Variants in XKR4 observed in about 807,000 individuals in gnomAD.
XKR4 encodes XK related 4.
XKR4 carries 12 observed loss-of-function variants against 53.9 expected under a neutral mutation model. The ratio of observed to expected loss-of-function variants is 0.22; its 90% CI spans 0.14 to 0.36. The LOEUF (loss-of-function observed/expected upper bound fraction) is 0.36, where lower values mean the gene tolerates loss of function less well. Ranked by LOEUF, XKR4 falls within the 10% of genes least tolerant of loss-of-function variation. The pLI is 1.00. For synonymous variants in XKR4, 354 were observed against 362.4 expected, an observed-to-expected ratio of 0.98 and a Z score of 0.26; for missense variants, 799 against 859.5, an observed-to-expected ratio of 0.93 and a Z score of 0.88.
chr8:55,131,035 G>A (rs139713236), intron 1 of XKR4, among the ~76,000 whole-genome samples: 14 of 151,992 alleles, frequency 9.2e-5, no homozygotes, highest in African/African-American at 2.9e-4. Context: ...GGTGCACGCC[G>A]GTAATCCCAG....
chr8:55,127,120 C>T (rs2129352595), intron 1 of XKR4, among the ~76,000 whole-genome samples: 1 of 152,254 alleles, frequency 6.6e-6, no homozygotes, highest in Middle Eastern at 3.4e-3. Flanking sequence ...GGTTAACAAA[C>T]TCAAGATTTC....
At chr8:55,502,744 T>C (rs1460333487) in intron 2 of XKR4, among the ~76,000 whole-genome samples, 1 of 152,198 alleles carries the variant, frequency 6.6e-6, no homozygotes, top group African/African-American at 2.4e-5. Flanking sequence ...TTTATTTTTT[T>C]CTTTTGTTGC....
intron 1 of XKR4, among the ~76,000 whole-genome samples, chr8:55,160,109 C>T (rs1335600902): frequency 6.6e-6 from 1 of 152,140 alleles, no homozygotes; most frequent in Non-Finnish European, 1.5e-5. Flanking sequence ...AGGAAGTATG[C>T]ATGATTGGAA....
At chr8:55,218,869 T>C (rs1256029952) in intron 1 of XKR4, among the ~76,000 whole-genome samples, 2 of 152,216 alleles carry the variant, frequency 1.3e-5, no homozygotes, top group Non-Finnish European at 2.9e-5. Context: ...GAAGAGCTGT[T>C]AGTGTTCTGT....
intron 1 of XKR4, among the ~76,000 whole-genome samples, chr8:55,296,946 A>C (rs1177348650): frequency 6.6e-6 from 1 of 152,208 alleles, no homozygotes; most frequent in East Asian, 1.9e-4. Flanking sequence ...TTCTATTTTT[A>C]ATATTTAGTT....
chr8:55,513,837 T>C (rs1806668015), intron 2 of XKR4, among the ~76,000 whole-genome samples: 1 of 152,206 alleles, frequency 6.6e-6, no homozygotes, highest in Non-Finnish European at 1.5e-5. Flanking sequence ...GGAAAAAGTG[T>C]AAGGACTTCG....
At chr8:55,295,360 T>C (rs1372022550) in intron 1 of XKR4, among the ~76,000 whole-genome samples, 2 of 152,212 alleles carry the variant, frequency 1.3e-5, no homozygotes, top group Non-Finnish European at 2.9e-5. Flanking sequence ...TAGATTCTGA[T>C]GCTTGTACTT....
intron 2 of XKR4, among the ~76,000 whole-genome samples, chr8:55,505,956 T>C (rs58008705): frequency 0.058 from 8,896 of 152,290 alleles, 664 homozygotes; most frequent in East Asian, 0.28. Context: ...ATATTTGAAC[T>C]TTTAAAGCAA....
At chr8:55,205,614 T>C (rs1443970148) in intron 1 of XKR4, among the ~76,000 whole-genome samples, 1 of 152,214 alleles carries the variant, frequency 6.6e-6, no homozygotes, top group South Asian at 2.1e-4. Context: ...AAAATCAACA[T>C]TGTTTAATTT....
chr8:55,275,070 A>G (rs1386727867), intron 1 of XKR4, among the ~76,000 whole-genome samples: 1 of 152,220 alleles, frequency 6.6e-6, no homozygotes, highest in East Asian at 1.9e-4. Flanking sequence ...ATTTTGCAGA[A>G]GATTATTCCT....
intron 2 of XKR4, among the ~76,000 whole-genome samples, chr8:55,503,480 T>C (rs1216847372): frequency 6.6e-6 from 1 of 152,188 alleles, no homozygotes; most frequent in African/African-American, 2.4e-5. Flanking sequence ...TTTTCATGTT[T>C]CCATTACATG....
At chr8:55,276,665 T>C (rs1818768253) in intron 1 of XKR4, among the ~76,000 whole-genome samples, 1 of 152,246 alleles carries the variant, frequency 6.6e-6, no homozygotes, top group African/African-American at 2.4e-5. Context: ...CAATTTTTCT[T>C]ACTGTTTTCC....
At chr8:55,450,664 C>T in intron 2 of XKR4, 3 of 598,244 alleles carry the variant, frequency 5.0e-6, no homozygotes, top group Non-Finnish European at 9.5e-6. Context: ...TAGTGTGAAG[C>T]CGCTGCTCTG....
chr8:55,449,767 C>G, intron 2 of XKR4: 1 of 1,137,522 alleles, frequency 8.8e-7, no homozygotes, highest in Non-Finnish European at 1.3e-6. Context: ...TCTTGTCTAA[C>G]ATGAACCAGC....
At chr8:55,293,983 C>G (rs1819065258) in intron 1 of XKR4, among the ~76,000 whole-genome samples, 1 of 152,188 alleles carries the variant, frequency 6.6e-6, no homozygotes, top group African/African-American at 2.4e-5. Flanking sequence ...GTTTTGATAT[C>G]TTGAAACATT....
At chr8:55,465,887 T>C (rs1481729945) in intron 2 of XKR4, among the ~76,000 whole-genome samples, 6 of 151,956 alleles carry the variant, frequency 3.9e-5, no homozygotes, top group East Asian at 1.9e-4. Context: ...CATGAAAAAA[T>C]GCTCATCATC....
chr8:55,220,558 T>C (rs112887201), intron 1 of XKR4, among the ~76,000 whole-genome samples: 1 of 152,236 alleles, frequency 6.6e-6, no homozygotes, highest in Non-Finnish European at 1.5e-5. Context: ...TCATCAAGCC[T>C]GGCTCTAGAG....
chr8:55,437,749 A>G (rs1448714586), intron 2 of XKR4, among the ~76,000 whole-genome samples: 2 of 152,242 alleles, frequency 1.3e-5, no homozygotes, highest in East Asian at 3.8e-4. Context: ...CATGTGGCTC[A>G]CAGACTGGCA....
intron 1 of XKR4, among the ~76,000 whole-genome samples, chr8:55,241,195 G>A (rs564774244): frequency 3.3e-5 from 5 of 152,178 alleles, no homozygotes; most frequent in East Asian, 1.9e-4. Context: ...CTTTCAACCC[G>A]TGCATTCATG....
Sources: gnomAD v4.1 joint callset for allele counts (sites outside exome capture counted in the v4.1 genomes callset) on GRCh38, gnomAD v4.1.1 for gene constraint, MANE v1.5 for transcripts, NCBI Gene and HGNC (gene_info 2026-07-23, HGNC 2026-07-21) for gene names.